CALN1: variants seen among roughly 807,000 people sequenced by gnomAD.
The protein encoded by CALN1 is calneuron 1, also known as calcium-binding protein 8.
CALN1 carries 17 observed loss-of-function variants against 30.6 expected under a neutral mutation model. The observed-to-expected ratio is 0.56, with a 90% CI of 0.38 to 0.83. The LOEUF (loss-of-function observed/expected upper bound fraction) is 0.83. Among genes scored for constraint, CALN1 ranks in the 40% least tolerant of loss-of-function variants. The pLI is 0.00. For missense variants in CALN1, 291 were observed against 354.9 expected, an observed-to-expected ratio of 0.82 and a Z score of 1.45; for synonymous variants, 156 against 131.4, an observed-to-expected ratio of 1.19 and a Z score of -1.28.
intron 5 of CALN1, among the ~76,000 whole-genome samples, chr7:71,865,602 T>G (rs1424159152): frequency 6.6e-6 from 1 of 152,256 alleles, no homozygotes; most frequent in Admixed American, 6.5e-5. Flanking sequence ...ATCTTCTCCT[T>G]CACTCATCAT....
At chr7:71,931,358 T>G (rs938985671) in intron 5 of CALN1, among the ~76,000 whole-genome samples, 1 of 152,144 alleles carries the variant, frequency 6.6e-6, no homozygotes, top group Non-Finnish European at 1.5e-5. Context: ...CTCCGTCTCC[T>G]GGCTTCAAGT....
rs542514785 is a variant in CALN1, at chr7:71,859,264, T to C, written c.502-48772A>G. Among the ~76,000 whole-genome samples, 286 of 152,228 alleles carry C rather than the reference T, an allele frequency of 1.9e-3. 1 individual carries two copies. Among genetic ancestry groups the C allele is most frequent in the African/African-American group, 6.6e-3 (274 of 41,552 alleles). On this transcript the variant is annotated intron_variant, in intron 5 of 6. Coordinates refer to ENST00000395275, the MANE Select transcript of CALN1 (RefSeq NM_031468.4). ...TTTCAGTAGAGACAGGGTTTCATCA[T>C]GTTGGCCAGGCTGGACTCCAACTCC...
At chr7:72,345,541 G>A (rs1219219763) in intron 2 of CALN1, among the ~76,000 whole-genome samples, 2 of 136,684 alleles carry the variant, frequency 1.5e-5, no homozygotes, top group African/African-American at 5.4e-5. Flanking sequence ...GGGAGGGAAG[G>A]AGGAAGGAAA....
At chr7:72,336,137 G>A (rs1160932415) in intron 2 of CALN1, among the ~76,000 whole-genome samples, 6 of 152,174 alleles carry the variant, frequency 3.9e-5, no homozygotes, top group East Asian at 1.9e-4. Flanking sequence ...GGGTGGCGGC[G>A]AGGAGCGTGC....
intron 5 of CALN1, among the ~76,000 whole-genome samples, chr7:71,979,869 CTTTTTTTTTTTTTTTTTTTTTTTTT>C (rs555621436): frequency 4.5e-5 from 4 of 89,692 alleles, no homozygotes; most frequent in African/African-American, 1.7e-4. Flanking sequence ...CATCAGGATT[CTTTTTTTTTTTTTTTTTTTTTTTTT>C]TGAGACAGAG....
chr7:72,006,192 T>G (rs1799764696), intron 5 of CALN1, among the ~76,000 whole-genome samples: 1 of 152,178 alleles, frequency 6.6e-6, no homozygotes, highest in African/African-American at 2.4e-5. Context: ...ATGGGGAAAG[T>G]AAATATAAGC....
At chr7:72,412,033 C>G (rs1289178873) in intron 1 of CALN1, 25 bp downstream of exon 1, 1 of 152,236 alleles carries the variant, frequency 6.6e-6, no homozygotes, top group Non-Finnish European at 1.5e-5. Flanking sequence ...CTGAGCCCAC[C>G]ATGCTCTTTA....
At chr7:72,404,971 T>C (rs942943253) in intron 1 of CALN1, among the ~76,000 whole-genome samples, 4 of 152,256 alleles carry the variant, frequency 2.6e-5, no homozygotes, top group Admixed American at 2.6e-4. Flanking sequence ...AACTAGATGC[T>C]TTGTAATTTC....
At chr7:71,850,686 A>G (rs1443578040) in intron 5 of CALN1, among the ~76,000 whole-genome samples, 1 of 152,204 alleles carries the variant, frequency 6.6e-6, no homozygotes, top group Middle Eastern at 3.2e-3. Context: ...AGCTCTGCGG[A>G]GTTCAATATT....
At chr7:72,484,168 G>C in the CALN1 span, among the ~76,000 whole-genome samples, 6 of 151,958 alleles carry the variant, frequency 3.9e-5, no homozygotes, top group Admixed American at 2.6e-4. Flanking sequence ...ATATTTTTCT[G>C]CATCTTTGCA....
chr7:71,847,903 C>CT (rs1333411621), intron 5 of CALN1, among the ~76,000 whole-genome samples: 1 of 152,048 alleles, frequency 6.6e-6, no homozygotes, highest in Non-Finnish European at 1.5e-5. Flanking sequence ...TCTGTCTTGC[C>CT]ACCACCATGT....
chr7:72,499,908 T>C, the CALN1 span, among the ~76,000 whole-genome samples: 1 of 52,778 alleles, frequency 1.9e-5, no homozygotes, highest in South Asian at 4.7e-4. Flanking sequence ...TTTCTTTCTT[T>C]CTTTCTATCT....
intron 5 of CALN1, among the ~76,000 whole-genome samples, chr7:71,819,835 C>A (rs185801907): frequency 6.6e-6 from 1 of 152,140 alleles, no homozygotes; most frequent in Non-Finnish European, 1.5e-5. Context: ...GAATTCCCTT[C>A]CTTTTTAAGG....
At chr7:72,459,957 A>C in the CALN1 span, among the ~76,000 whole-genome samples, 1 of 152,194 alleles carries the variant, frequency 6.6e-6, no homozygotes, top group Non-Finnish European at 1.5e-5. Context: ...TATTTGGTTC[A>C]TGGTTCTGCA....
At chr7:72,188,246 G>C (rs1790345400) in intron 3 of CALN1, among the ~76,000 whole-genome samples, 1 of 151,976 alleles carries the variant, frequency 6.6e-6, no homozygotes, top group Admixed American at 6.6e-5. Flanking sequence ...TCAACAGGTG[G>C]ATAAAGAAAC....
intron 5 of CALN1, among the ~76,000 whole-genome samples, chr7:71,854,768 G>A (rs1162065254): frequency 1.3e-5 from 2 of 152,222 alleles, no homozygotes; most frequent in African/African-American, 4.8e-5. Context: ...CACTGTGAGT[G>A]TCTGTCAGTC....
At chr7:72,450,275 T>C (rs985717399), upstream of CALN1, among the ~76,000 whole-genome samples, 5 of 152,162 alleles carry the variant, frequency 3.3e-5, no homozygotes, top group African/African-American at 1.2e-4. Context: ...TGTCCTCCAT[T>C]TTCCGAGGAG....
Position 71,781,603 on chromosome 7 carries a change from T to A in CALN1, c.*6172A>T, listed in dbSNP as rs989192286. The A allele has an allele frequency of 6.6e-6, 1 of 152,258 alleles. No homozygotes were observed. The highest frequency in any genetic ancestry group is 2.4e-5 in the African/African-American group (1 of 41,474). 9.4% of individuals were successfully genotyped at this position (152,258 alleles called of 1,614,324 possible). A position where few individuals can be genotyped will look rare whatever the true frequency, so the allele number is the denominator to read the frequency against. On this transcript the variant is annotated 3_prime_UTR_variant, in exon 7 of 7. Transcript: ENST00000395275. ...CCTCAGGTCCAGGGATGGAGCAATA[T>A]CGCAGTTGCACCTTGCATTCCCTGG...
rs377656511 is a variant in CALN1, at chr7:71,817,736, G to A, written c.502-7244C>T. ...TCACCATGTTGGCCAGGATGGTCTC[G>A]ATCTCCTGACCTTGTAATCCACCTG... is the stretch of plus-strand genomic sequence containing the variant. On this transcript the variant is annotated intron_variant, in intron 5 of 6. Coordinates refer to ENST00000395275, the MANE Select transcript of CALN1 (RefSeq NM_031468.4). 5.3e-5 allele frequency among the ~76,000 whole-genome samples: 8 copies of A among 152,174 alleles called. No homozygotes were observed. The East Asian group carries it at 1.2e-3, about 22-fold the overall frequency.
Sources: allele counts gnomAD v4.1 joint callset (sites outside exome capture counted in the v4.1 genomes callset), GRCh38; gene constraint gnomAD v4.1.1; transcripts MANE v1.5; gene names NCBI Gene and HGNC (gene_info 2026-07-23, HGNC 2026-07-21).